CNTNAP2: variants seen among roughly 807,000 people sequenced by gnomAD.
CNTNAP2 encodes the protein contactin associated protein 2.
Under a neutral mutation model 155.2 loss-of-function variants are expected in CNTNAP2, and 98 were observed. The ratio of observed to expected loss-of-function variants is 0.63; its 90% confidence interval spans 0.54 to 0.75. The LOEUF (loss-of-function observed/expected upper bound fraction) is 0.75. Ranked by LOEUF, CNTNAP2 falls within the 30% of genes least tolerant of loss-of-function variation. The probability of loss-of-function intolerance (pLI) is 0.00; values close to 1 mark genes in which losing one functional copy is unlikely to be tolerated. For synonymous variants in CNTNAP2, 651 were observed against 631.2 expected (o/e 1.03, Z -0.47); for missense variants, 1,727 against 1,688.1 (o/e 1.02, Z -0.40).
chr7:148,327,234 G>C (rs749849502), intron 21 of CNTNAP2, among the ~76,000 whole-genome samples: 50 of 152,180 alleles, frequency 3.3e-4, no homozygotes, highest in Non-Finnish European at 4.6e-4. Flanking sequence ...TGACCCTGGT[G>C]GACGCCTGAG....
At chr7:147,671,243 AC>A (rs1477556397) in intron 13 of CNTNAP2, among the ~76,000 whole-genome samples, 1 of 152,122 alleles carries the variant, frequency 6.6e-6, no homozygotes, top group African/African-American at 2.4e-5. Flanking sequence ...CAAATGAGGC[AC>A]CCGGTTGCAA....
intron 1 of CNTNAP2, among the ~76,000 whole-genome samples, chr7:146,291,087 C>T (rs866873752): frequency 2.0e-5 from 3 of 152,054 alleles, no homozygotes; most frequent in Admixed American, 6.6e-5. Flanking sequence ...TTGAATCTAA[C>T]TAGACTAAGA....
intron 1 of CNTNAP2, among the ~76,000 whole-genome samples, chr7:146,607,093 A>C (rs1799060842): frequency 6.6e-6 from 1 of 152,170 alleles, no homozygotes; most frequent in Non-Finnish European, 1.5e-5. Flanking sequence ...CCTCCTTCTA[A>C]TTCAAAATAT....
intron 3 of CNTNAP2, among the ~76,000 whole-genome samples, chr7:146,851,856 T>C (rs1269802017): frequency 6.6e-6 from 1 of 151,952 alleles, no homozygotes; most frequent in Non-Finnish European, 1.5e-5. Flanking sequence ...AATTTTAATT[T>C]ATTTATTTTT....
intron 22 of CNTNAP2, among the ~76,000 whole-genome samples, chr7:148,401,225 A>T (rs6464880): frequency 0.13 from 19,463 of 152,162 alleles, 2,552 homozygotes; most frequent in African/African-American, 0.34. Flanking sequence ...TACATGAGAG[A>T]GTCCTGAATG....
intron 15 of CNTNAP2, among the ~76,000 whole-genome samples, chr7:148,097,497 G>A (rs1179189444): frequency 6.6e-6 from 1 of 151,866 alleles, no homozygotes; most frequent in Non-Finnish European, 1.5e-5. Flanking sequence ...TTTTTTGGGG[G>A]GGCGGGGCAC....
intron 8 of CNTNAP2, among the ~76,000 whole-genome samples, chr7:147,250,874 G>A (rs58358988): frequency 0.12 from 17,779 of 152,140 alleles, 1,115 homozygotes; most frequent in Middle Eastern, 0.14. Context: ...GTGAATTCCA[G>A]TGCAGGCTAA....
chr7:146,168,964 C>T (rs1798351425), intron 1 of CNTNAP2, among the ~76,000 whole-genome samples: 1 of 152,180 alleles, frequency 6.6e-6, no homozygotes, highest in Non-Finnish European at 1.5e-5. Flanking sequence ...CTCCTGCTCA[C>T]TCAGCTCCAG....
At chr7:147,515,716 T>A (rs1444765943) in intron 11 of CNTNAP2, among the ~76,000 whole-genome samples, 1 of 152,186 alleles carries the variant, frequency 6.6e-6, no homozygotes, top group Non-Finnish European at 1.5e-5. Context: ...TCAGGGACTT[T>A]TACCTGTCTA....
At chr7:146,626,843 A>G (rs1042966896) in intron 1 of CNTNAP2, among the ~76,000 whole-genome samples, 1 of 152,146 alleles carries the variant, frequency 6.6e-6, no homozygotes, top group African/African-American at 2.4e-5. Context: ...CTGAATAACA[A>G]CATGCTAGTT....
At chr7:147,657,912 A>G (rs1339086725) in intron 13 of CNTNAP2, among the ~76,000 whole-genome samples, 1 of 152,208 alleles carries the variant, frequency 6.6e-6, no homozygotes, top group African/African-American at 2.4e-5. Flanking sequence ...GCTGCCTCAA[A>G]TTCTAGTAGC....
intron 9 of CNTNAP2, among the ~76,000 whole-genome samples, chr7:147,375,986 A>G (rs553394664): frequency 2.6e-4 from 40 of 152,176 alleles, no homozygotes; most frequent in African/African-American, 9.6e-4. Context: ...AAATGTGAAG[A>G]CACAAGATAT....
chr7:147,355,192 C>T (rs1008084769), intron 9 of CNTNAP2, among the ~76,000 whole-genome samples: 1 of 152,078 alleles, frequency 6.6e-6, no homozygotes, highest in East Asian at 1.9e-4. Flanking sequence ...CCAATGACTA[C>T]TGGGTAAATA....
chr7:146,880,481 C>T (rs932591592), intron 3 of CNTNAP2, among the ~76,000 whole-genome samples: 3 of 151,900 alleles, frequency 2.0e-5, no homozygotes, highest in African/African-American at 7.3e-5. Flanking sequence ...TTAAGCCAAA[C>T]ATAAATACAA....
At chr7:146,955,786 T>C (rs1365499779) in intron 3 of CNTNAP2, among the ~76,000 whole-genome samples, 1 of 152,060 alleles carries the variant, frequency 6.6e-6, no homozygotes, top group African/African-American at 2.4e-5. Context: ...GATTTTTTAA[T>C]TAGCAGTTTA....
At chr7:148,291,443 A>G (rs1344760666) in intron 21 of CNTNAP2, among the ~76,000 whole-genome samples, 4 of 152,162 alleles carry the variant, frequency 2.6e-5, no homozygotes, top group Admixed American at 2.6e-4. Flanking sequence ...CCAATGTTCC[A>G]GGGCAGGAAG....
intron 1 of CNTNAP2, among the ~76,000 whole-genome samples, chr7:146,704,106 T>C (rs1800922780): frequency 6.6e-6 from 1 of 152,138 alleles, no homozygotes; most frequent in Admixed American, 6.6e-5. Flanking sequence ...GAACAAAATG[T>C]CAAATAGTAA....
intron 2 of CNTNAP2, among the ~76,000 whole-genome samples, chr7:146,797,343 T>C (rs1452184181): frequency 6.6e-6 from 1 of 152,114 alleles, no homozygotes; most frequent in African/African-American, 2.4e-5. Flanking sequence ...GGGAAAGTGA[T>C]GGAGAAGATT....
At chr7:146,213,552 T>G (rs1338846099) in intron 1 of CNTNAP2, among the ~76,000 whole-genome samples, 1 of 152,154 alleles carries the variant, frequency 6.6e-6, no homozygotes, top group Non-Finnish European at 1.5e-5. Flanking sequence ...AAGAAGTAAT[T>G]TATTCAAACC....
Sources: allele counts gnomAD v4.1 joint callset (sites outside exome capture counted in the v4.1 genomes callset), GRCh38; gene constraint gnomAD v4.1.1; transcripts MANE v1.5; gene names NCBI Gene and HGNC (gene_info 2026-07-23, HGNC 2026-07-21).